Variants in SLC25A48 observed in about 807,000 individuals in gnomAD.
The protein encoded by SLC25A48 is CTC-321K16.1.
In SLC25A48, 29 loss-of-function variants were observed where a neutral mutation model predicts 32.2. The observed-to-expected ratio is 0.90, with a 90% CI of 0.67 to 1.23. The LOEUF is 1.23. SLC25A48 is among the 50% of genes most tolerant of loss of function. The pLI is 0.00. For missense variants in SLC25A48, 399 were observed against 422.7 expected (o/e 0.94, Z 0.49); for synonymous variants, 164 against 172.3 (o/e 0.95, Z 0.38).
chr5:135,620,863 T>C (rs149211403), intron 1 of SLC25A48, among the ~76,000 whole-genome samples: 4 of 152,232 alleles, frequency 2.6e-5, no homozygotes, highest in East Asian at 1.9e-4. Flanking sequence ...ATGGCTAGGA[T>C]TGTAGATGTG....
chr5:135,879,672 G>A (rs1762317610), intron 6 of SLC25A48, among the ~76,000 whole-genome samples: 2 of 152,060 alleles, frequency 1.3e-5, no homozygotes, highest in Non-Finnish European at 2.9e-5. Context: ...AAGAGAGGGA[G>A]AGAGAGGGCA....
intron 3 of SLC25A48, among the ~76,000 whole-genome samples, chr5:135,753,645 C>T (rs1021969952): frequency 2.0e-5 from 3 of 151,454 alleles, no homozygotes; most frequent in Non-Finnish European, 4.4e-5. Flanking sequence ...CAGTGATATT[C>T]GCAGTCATAT....
At chr5:135,585,586 C>T (rs1326121620) in intron 1 of SLC25A48, among the ~76,000 whole-genome samples, 1 of 152,136 alleles carries the variant, frequency 6.6e-6, no homozygotes, top group Non-Finnish European at 1.5e-5. Context: ...GAGCACAGGG[C>T]CGGGCACACA....
At chr5:135,814,837 C>T (rs1757676442) in intron 4 of SLC25A48, among the ~76,000 whole-genome samples, 1 of 152,246 alleles carries the variant, frequency 6.6e-6, no homozygotes, top group Non-Finnish European at 1.5e-5. Context: ...GCTGGATCAT[C>T]CAGGCTGGTC....
intron 4 of SLC25A48, among the ~76,000 whole-genome samples, chr5:135,853,449 T>G (rs1193516629): frequency 6.6e-6 from 1 of 152,262 alleles, no homozygotes; most frequent in Non-Finnish European, 1.5e-5. Flanking sequence ...CAGCTAAGTT[T>G]ATGGATATTC....
At chr5:135,647,199 A>G (rs1348666247) in intron 3 of SLC25A48, among the ~76,000 whole-genome samples, 1 of 152,208 alleles carries the variant, frequency 6.6e-6, no homozygotes, top group East Asian at 1.9e-4. Context: ...GAGGAAACTT[A>G]AAAAATCTCA....
intron 3 of SLC25A48, among the ~76,000 whole-genome samples, chr5:135,730,843 G>A (rs1755204097): frequency 6.6e-6 from 1 of 152,210 alleles, no homozygotes; most frequent in Admixed American, 6.5e-5. Flanking sequence ...CATGTGCCTA[G>A]AAGGTGAGTA....
At chr5:135,883,301 G>C (rs1443396083) in intron 7 of SLC25A48, 2 of 985,326 alleles carry the variant, frequency 2.0e-6, no homozygotes, top group Non-Finnish European at 2.4e-6. Context: ...TTCCAGCTTT[G>C]GACCTGCACC....
chr5:135,716,825 C>T (rs761992907), intron 3 of SLC25A48, among the ~76,000 whole-genome samples: 16 of 152,330 alleles, frequency 1.1e-4, no homozygotes, highest in East Asian at 7.7e-4. Flanking sequence ...TCCCCAGCTC[C>T]GGCCAGCATA....
At chr5:135,699,243 A>G (rs1339951502) in intron 3 of SLC25A48, among the ~76,000 whole-genome samples, 2 of 152,252 alleles carry the variant, frequency 1.3e-5, no homozygotes, top group Non-Finnish European at 2.9e-5. Flanking sequence ...AAACTTATTT[A>G]TAATAGCCGG....
At chr5:135,759,358 G>T (rs1018301211) in intron 3 of SLC25A48, among the ~76,000 whole-genome samples, 2 of 152,112 alleles carry the variant, frequency 1.3e-5, no homozygotes, top group Admixed American at 6.6e-5. Flanking sequence ...CCATGGTACG[G>T]ATGTACCATT....
At chr5:135,818,107 CTCTCTCT>C (rs1757784588) in intron 4 of SLC25A48, among the ~76,000 whole-genome samples, 1 of 118,280 alleles carries the variant, frequency 8.5e-6, no homozygotes, top group Admixed American at 8.6e-5. Context: ...CTCTCTCTCT[CTCTCTCT>C]CTCTCCCTCT....
At position 135,780,098 on chromosome 5, in the gene SLC25A48, GGAT is replaced by G. The variant is rs1185479099; in HGVS notation, c.-520-32421_-520-32419del. ...TGTTCTTAATATACAGGGGAAAAAAGGATGATATTATTCCCAATATCGCAGGTG... is the reference window on the plus strand; with the variant it reads ...TGTTCTTAATATACAGGGGAAAAAAGGATATTATTCCCAATATCGCAGGTG... On this transcript the variant is annotated intron_variant, in intron 3 of 10. Transcript: ENST00000646290. 2.0e-4 allele frequency among the ~76,000 whole-genome samples: 23 copies of G among 112,632 alleles called. 1 individual carries two copies. The East Asian group carries it at 4.9e-3, about 24-fold the overall frequency. The allele number at this position is 112,632 out of a possible 152,430, so 73.9% of individuals were successfully genotyped here. A position where few individuals can be genotyped will look rare whatever the true frequency, so the allele number is the denominator to read the frequency against.
At chr5:135,851,828 G>A (rs1339877924) in intron 3 of SLC25A48, among the ~76,000 whole-genome samples, 20 of 152,116 alleles carry the variant, frequency 1.3e-4, no homozygotes. Flanking sequence ...CATCAAGAAT[G>A]CCGTGTGGAA....
At chr5:135,826,629 T>C (rs1231054620) in intron 4 of SLC25A48, 1 of 152,248 alleles carries the variant, frequency 6.6e-6, no homozygotes, top group Admixed American at 6.5e-5. Flanking sequence ...GCATTTACTT[T>C]GTACTAGGCA....
intron 1 of SLC25A48, among the ~76,000 whole-genome samples, chr5:135,622,305 ATTCATC>A (rs1198159943): frequency 6.6e-6 from 1 of 152,238 alleles, no homozygotes; most frequent in African/African-American, 2.4e-5. Flanking sequence ...GGACCAGTCC[ATTCATC>A]TTCTCTAAAT....
intron 3 of SLC25A48, among the ~76,000 whole-genome samples, chr5:135,757,937 C>T (rs1224706074): frequency 4.0e-5 from 6 of 150,146 alleles, no homozygotes; most frequent in Admixed American, 2.0e-4. Context: ...AATAAAATAT[C>T]TACATGATAT....
chr5:135,789,250 T>C (rs1223153855), intron 3 of SLC25A48, among the ~76,000 whole-genome samples: 3 of 31,650 alleles, frequency 9.5e-5, no homozygotes, highest in African/African-American at 1.7e-4. Flanking sequence ...TGGGTGGTGT[T>C]ACTTTCCATG....
intron 3 of SLC25A48, among the ~76,000 whole-genome samples, chr5:135,778,245 A>G (rs1463172853): frequency 6.6e-6 from 1 of 151,596 alleles, no homozygotes; most frequent in Non-Finnish European, 1.5e-5. Context: ...CCTAATATTC[A>G]CGGAGAAAAA....
Sources: gnomAD v4.1 joint callset for allele counts (sites outside exome capture counted in the v4.1 genomes callset) on GRCh38, gnomAD v4.1.1 for gene constraint, MANE v1.5 for transcripts, NCBI Gene and HGNC (gene_info 2026-07-23, HGNC 2026-07-21) for gene names.